Variants in KCTD2 observed in about 807,000 individuals in gnomAD.
KCTD2 encodes the protein potassium channel tetramerization domain containing 2.
Under a neutral mutation model 27.9 loss-of-function variants are expected in KCTD2, and 18 were observed. The observed-to-expected ratio is 0.64, with a 90% CI of 0.45 to 0.96. The LOEUF (loss-of-function observed/expected upper bound fraction) is 0.96, where lower values mean the gene tolerates loss of function less well. KCTD2 is among the 40% of genes least tolerant of loss of function. The pLI is 0.00. For synonymous variants in KCTD2, 175 were observed against 148.4 expected, an observed-to-expected ratio of 1.18 and a Z score of -1.30; for missense variants, 280 against 348.0, an observed-to-expected ratio of 0.80 and a Z score of 1.56.
upstream of KCTD2, among the ~76,000 whole-genome samples, chr17:75,044,199 A>ATT (rs755560156): frequency 5.3e-5 from 5 of 94,694 alleles, no homozygotes; most frequent in African/African-American, 1.5e-4. Context: ...TAATTTTTGT[A>ATT]TTTTTTTTTT....
chr17:75,039,399 G>C (rs1024053530), intron 3 of KCTD2: 3 of 775,400 alleles, frequency 3.9e-6, no homozygotes, highest in South Asian at 1.6e-5. Context: ...TGGTTACCCT[G>C]AGTGGGGGCG....
chr17:75,050,976 CT>C (rs1448198731), intron 2 of KCTD2, among the ~76,000 whole-genome samples: 216 of 137,232 alleles, frequency 1.6e-3, no homozygotes, highest in Middle Eastern at 7.5e-3. Context: ...TCATGCCCAG[CT>C]TTTTTTTTTT....
intron 4 of KCTD2, among the ~76,000 whole-genome samples, chr17:75,061,573 C>T (rs2073404193): frequency 6.6e-6 from 1 of 152,112 alleles, no homozygotes; most frequent in South Asian, 2.1e-4. Flanking sequence ...TCACTTGAGA[C>T]CAGGAGGTGG....
chr17:75,052,979 G>A (rs1309647682), intron 2 of KCTD2, 35 bp from the exon 3 acceptor site: 9 of 1,517,002 alleles, frequency 5.9e-6, no homozygotes, highest in South Asian at 2.2e-5. Context: ...GCAAACCCTC[G>A]CACCTATCTG....
At chr17:75,042,101 G>T in intron 3 of KCTD2, 1 of 1,239,250 alleles carries the variant, frequency 8.1e-7, no homozygotes, top group Non-Finnish European at 1.2e-6. Context: ...CTGTCATGCT[G>T]TGTATGTAAT....
At chr17:75,052,012 C>T (rs1259781982) in intron 2 of KCTD2, among the ~76,000 whole-genome samples, 1 of 152,014 alleles carries the variant, frequency 6.6e-6, no homozygotes, top group Non-Finnish European at 1.5e-5. Context: ...GTACACACAC[C>T]TCCACCCCCA....
upstream of KCTD2, among the ~76,000 whole-genome samples, chr17:75,043,279 C>T (rs2073179172): frequency 6.6e-6 from 1 of 151,950 alleles, no homozygotes; most frequent in Admixed American, 6.6e-5. Context: ...ATGTGGCATA[C>T]AAATACATTC....
chr17:75,060,518 A>G, intron 4 of KCTD2: 2 of 1,612,554 alleles, frequency 1.2e-6, no homozygotes, highest in Non-Finnish European at 1.7e-6. Context: ...GACAGCCAAG[A>G]CCAGCTGCTC....
rs2073450926 is a variant in KCTD2 at position 75,065,735 on chromosome 17, G to C, written c.*2688G>C. On this transcript the variant is annotated 3_prime_UTR_variant, in exon 6 of 6. Coordinates refer to ENST00000322444, the MANE Select transcript of KCTD2 (RefSeq NM_015353.3). Reference sequence around the variant, plus strand: ...GGATGCTGAGAGAGGAGGCCCGAGAGGACACCCCACCCTCCAGCGTGGCCT... The same window carrying C: ...GGATGCTGAGAGAGGAGGCCCGAGACGACACCCCACCCTCCAGCGTGGCCT... 1 of 152,380 alleles carries C rather than the reference G, an allele frequency of 6.6e-6. No homozygotes were observed. Among genetic ancestry groups the C allele is most frequent in the Non-Finnish European group, 1.5e-5 (1 of 68,170 alleles). 9.4% of individuals were successfully genotyped at this position (152,380 alleles called of 1,614,324 possible).
chr17:75,056,030 CA>C (rs912948642), intron 3 of KCTD2, among the ~76,000 whole-genome samples: 17 of 141,680 alleles, frequency 1.2e-4, no homozygotes, highest in Non-Finnish European at 1.5e-4. Context: ...GACTCCATCT[CA>C]AAAAAAAAAA....
intron 3 of KCTD2, 103 bp from the exon 4 acceptor site, chr17:75,059,403 CCAAG>C (rs2144939751): frequency 1.7e-6 from 1 of 599,632 alleles, no homozygotes; most frequent in South Asian, 3.7e-5. Flanking sequence ...GAAAAGATTT[CCAAG>C]CAAACTCCTT....
At chr17:75,045,043 T>C (rs751291608), upstream of KCTD2, among the ~76,000 whole-genome samples, 2 of 152,200 alleles carry the variant, frequency 1.3e-5, no homozygotes, top group African/African-American at 2.4e-5. Context: ...TTCTTTTCTA[T>C]TTTCCTAAGC....
chr17:75,033,499 T>G (rs1180025029), intron 1 of KCTD2, among the ~76,000 whole-genome samples: 14 of 152,184 alleles, frequency 9.2e-5, no homozygotes, highest in Non-Finnish European at 1.5e-5. Flanking sequence ...TGTTTCAATA[T>G]TCATGATTAA....
chr17:75,062,699 A>AACCCACACACACACAC, intron 5 of KCTD2, among the ~76,000 whole-genome samples: 1 of 115,990 alleles, frequency 8.6e-6, no homozygotes, highest in Non-Finnish European at 1.8e-5. Flanking sequence ...CCTCACCCCC[A>AACCCACACACACACAC]ACACACACAC....
rs1368741074 is a variant in KCTD2 at position 75,064,638 on chromosome 17, A to G, written c.*1591A>G. 6.6e-6 allele frequency: 1 copy of G among 152,154 alleles called. No individual in the cohort carries two copies. The highest frequency in any genetic ancestry group is 1.9e-4 in the East Asian group (1 of 5,190). The allele number at this position is 152,154 out of a possible 1,614,324, so 9.4% of individuals were successfully genotyped here. Reference sequence around the variant, plus strand: ...TAGCATAGCATAGAACCCGGTATACAGGGGTTTCTGCTGACACATCAACGT... The same window carrying G: ...TAGCATAGCATAGAACCCGGTATACGGGGGTTTCTGCTGACACATCAACGT... On this transcript the variant is annotated 3_prime_UTR_variant, in exon 6 of 6. Coordinates refer to ENST00000322444, the MANE Select transcript of KCTD2 (RefSeq NM_015353.3).
At chr17:75,038,914 T>C in intron 3 of KCTD2, 3 of 1,609,138 alleles carry the variant, frequency 1.9e-6, no homozygotes, top group Non-Finnish European at 2.5e-6. Flanking sequence ...GGGCCAGAGC[T>C]TCCTCCTGGA....
At chr17:75,047,611 G>GC (rs766889223) in intron 1 of KCTD2, 22 bp downstream of exon 1, 23 of 1,595,522 alleles carry the variant, frequency 1.4e-5, no homozygotes, top group Admixed American at 5.1e-5. Flanking sequence ...CCTCGGGCGC[G>GC]CCCCCGGGCC....
intron 5 of KCTD2, among the ~76,000 whole-genome samples, chr17:75,062,743 C>CACACACACAG (rs1325191013): frequency 6.9e-6 from 1 of 145,982 alleles, no homozygotes; most frequent in Non-Finnish European, 1.5e-5. Context: ...CACACACACA[C>CACACACACAG]AGCTTCTAAA....
At chr17:75,043,823 A>C (rs2073184969), upstream of KCTD2, among the ~76,000 whole-genome samples, 1 of 152,130 alleles carries the variant, frequency 6.6e-6, no homozygotes, top group African/African-American at 2.4e-5. Context: ...GCTAAAATTT[A>C]CTTATGTGTA....
Sources: gnomAD v4.1 joint callset for allele counts (sites outside exome capture counted in the v4.1 genomes callset) on GRCh38, gnomAD v4.1.1 for gene constraint, MANE v1.5 for transcripts, NCBI Gene and HGNC (gene_info 2026-07-23, HGNC 2026-07-21) for gene names.